MVB12B: variants seen among roughly 807,000 people sequenced by gnomAD.
MVB12B encodes ESCRT-I complex subunit MVB12B.
Under a neutral mutation model 41.6 loss-of-function variants are expected in MVB12B, and 16 were observed. The observed-to-expected ratio is 0.38, with a 90% confidence interval of 0.26 to 0.58. The LOEUF is 0.58. Ranked by LOEUF, MVB12B falls within the 20% of genes least tolerant of loss-of-function variation. The probability of loss-of-function intolerance (pLI) is 0.62; values close to 1 mark genes in which losing one functional copy is unlikely to be tolerated. For synonymous variants in MVB12B, 133 were observed against 139.7 expected (o/e 0.95, Z 0.34); for missense variants, 274 against 380.2 (o/e 0.72, Z 2.32).
At chr9:126,449,707 A>G (rs1317586018) in intron 7 of MVB12B, among the ~76,000 whole-genome samples, 3 of 152,178 alleles carry the variant, frequency 2.0e-5, no homozygotes, top group Non-Finnish European at 4.4e-5. Flanking sequence ...ACCTGCAGCG[A>G]GAGACTGGCT....
At chr9:126,502,074 CCTT>C (rs1217778721) in intron 9 of MVB12B, among the ~76,000 whole-genome samples, 3 of 152,220 alleles carry the variant, frequency 2.0e-5, no homozygotes, top group Non-Finnish European at 2.9e-5. Context: ...GCAGGGGAGC[CCTT>C]CTTATGACAA....
rs751735053 is a variant in MVB12B at position 126,395,620 on chromosome 9, A to G, written c.585A>G (p.Pro195=). Residue 195 remains proline (P), a synonymous_variant, in exon 6 of 10, where the codon CCA becomes CCG. Transcript: ENST00000361171. This position sits in a 1 kb window ranked among gnomAD's most constrained non-coding sequence, Gnocchi z 4.9. ...MGIWYRMGRV[P]RNHDSSQPTT... is the part of the protein sequence containing the mutation. ...TCTGGTATCGAATGGGCAGAGTACC[A>G]AGAAATCATGACTCATCTCAACCCA... is the stretch of plus-strand genomic sequence containing the variant. 3 of 1,614,188 alleles carry G rather than the reference A, an allele frequency of 1.9e-6. No homozygotes were observed. The highest frequency in any genetic ancestry group is 2.5e-6 in the Non-Finnish European group (3 of 1,180,016).
intron 3 of MVB12B, among the ~76,000 whole-genome samples, chr9:126,383,701 A>T (rs1041465748): frequency 3.3e-5 from 5 of 151,862 alleles, no homozygotes; most frequent in Non-Finnish European, 7.4e-5. Flanking sequence ...CAGATGGGGG[A>T]GGGGAGAGGA....
At chr9:126,410,086 T>C (rs1831587125) in intron 6 of MVB12B, among the ~76,000 whole-genome samples, 1 of 152,188 alleles carries the variant, frequency 6.6e-6, no homozygotes, top group African/African-American at 2.4e-5. Flanking sequence ...GTGATTTCCT[T>C]CATCTTCCAG....
In MVB12B at chr9:126,391,752, C is replaced by T. The variant is rs902896969; in HGVS notation, c.410-314C>T. Among the ~76,000 whole-genome samples the T allele has an allele frequency of 4.6e-5, 7 of 152,180 alleles. No individual in the cohort carries two copies. The highest frequency in any genetic ancestry group is 1.3e-4 in the Admixed American group (2 of 15,288). On this transcript the variant is annotated intron_variant, in intron 4 of 9. Transcript: ENST00000361171. The surrounding 1 kb of genome is among the most constrained non-coding windows in gnomAD (Gnocchi z 4.4). ...TGGTGAAATGTGTTAATGCTCAGGG[C>T]GTCAGTGTGCAGGTTTCTGATGGCT...
At chr9:126,348,155 CA>C (rs1214561707) in intron 2 of MVB12B, among the ~76,000 whole-genome samples, 1 of 152,246 alleles carries the variant, frequency 6.6e-6, no homozygotes, top group African/African-American at 2.4e-5. Context: ...TGATAAAAGG[CA>C]CCAGGTGTTC....
At chr9:126,441,164 T>C (rs1832630670) in intron 7 of MVB12B, among the ~76,000 whole-genome samples, 1 of 152,224 alleles carries the variant, frequency 6.6e-6, no homozygotes, top group African/African-American at 2.4e-5. Flanking sequence ...CCCTTTTTCC[T>C]CTGTATTTAC....
chr9:126,433,483 C>T (rs1030114969), intron 7 of MVB12B, among the ~76,000 whole-genome samples: 10 of 152,150 alleles, frequency 6.6e-5, no homozygotes, highest in African/African-American at 2.4e-4. Context: ...TGGTGGGCAG[C>T]CCAAGCCCAT....
chr9:126,396,124 T>G (rs1831106628), intron 6 of MVB12B: 1 of 990,818 alleles, frequency 1.0e-6, no homozygotes, highest in Non-Finnish European at 1.2e-6. Flanking sequence ...TATAATTTCT[T>G]TTTCCAATGA....
intron 3 of MVB12B, among the ~76,000 whole-genome samples, chr9:126,383,707 G>A (rs1251103541): frequency 6.6e-6 from 1 of 152,004 alleles, no homozygotes; most frequent in Admixed American, 6.5e-5. Context: ...GGGGAGGGGA[G>A]AGGAACAGGC....
chr9:126,489,973 G>A (rs1024264380), intron 9 of MVB12B, among the ~76,000 whole-genome samples: 8 of 152,146 alleles, frequency 5.3e-5, no homozygotes, highest in Non-Finnish European at 7.4e-5. Context: ...TGGGTGACCC[G>A]GTGGGGCTGT....
chr9:126,425,603 A>T (rs1175726123), intron 7 of MVB12B, among the ~76,000 whole-genome samples: 5 of 152,228 alleles, frequency 3.3e-5, no homozygotes, highest in Admixed American at 3.3e-4. Context: ...TGTCCCTTTT[A>T]GAAAATATGA....
intron 1 of MVB12B, among the ~76,000 whole-genome samples, chr9:126,332,865 A>G (rs139816719): frequency 6.6e-6 from 1 of 152,246 alleles, no homozygotes; most frequent in Non-Finnish European, 1.5e-5. Flanking sequence ...TGTGGTGGAC[A>G]TAACACACCT....
At chr9:126,418,332 G>T (rs373396888) in intron 6 of MVB12B, among the ~76,000 whole-genome samples, 28 of 152,266 alleles carry the variant, frequency 1.8e-4, no homozygotes, top group African/African-American at 6.5e-4. Flanking sequence ...TGGGCCCCTT[G>T]ATTTCTCTGT....
At chr9:126,388,321 T>G (rs922419306) in intron 4 of MVB12B, among the ~76,000 whole-genome samples, 1 of 152,196 alleles carries the variant, frequency 6.6e-6, no homozygotes, top group Non-Finnish European at 1.5e-5. Flanking sequence ...CTTCTCTCAC[T>G]TAGCATACTG....
chr9:126,504,191 C>T lies in MVB12B; in HGVS notation c.*928C>T, dbSNP rs1834020828. 1 of 152,298 alleles carries T rather than the reference C, an allele frequency of 6.6e-6. No homozygotes were observed. Among genetic ancestry groups the T allele is most frequent in the Non-Finnish European group, 1.5e-5 (1 of 68,088 alleles). The allele number at this position is 152,298 out of a possible 1,614,324, so 9.4% of individuals were successfully genotyped here. On this transcript the variant is annotated 3_prime_UTR_variant, in exon 10 of 10. Transcript: ENST00000361171. ...ACGGTATCTGCTGACGGGAACAAGTCATTCTGAAAGGTCCCTCTGACCCAG... is the reference window on the plus strand; with the variant it reads ...ACGGTATCTGCTGACGGGAACAAGTTATTCTGAAAGGTCCCTCTGACCCAG...
intron 7 of MVB12B, among the ~76,000 whole-genome samples, chr9:126,479,023 G>A (rs991458591): frequency 1.5e-4 from 23 of 152,318 alleles, no homozygotes; most frequent in African/African-American, 5.3e-4. Context: ...CGTGCAGAGA[G>A]GACTCTGCTG....
At chr9:126,494,984 G>A (rs777246078) in intron 9 of MVB12B, among the ~76,000 whole-genome samples, 8 of 151,972 alleles carry the variant, frequency 5.3e-5, no homozygotes, top group African/African-American at 1.7e-4. Context: ...TGGAGCCCAT[G>A]AGTTTGAGAT....
rs914367493 is a variant in MVB12B at position 126,486,430 on chromosome 9, C to A, written c.873+2398C>A. 2.6e-5 allele frequency among the ~76,000 whole-genome samples: 4 copies of A among 152,184 alleles called. No homozygotes were observed. Among genetic ancestry groups the A allele is most frequent in the African/African-American group, 4.8e-5 (2 of 41,440 alleles). Reference sequence around the variant, plus strand: ...CCAGGGCAGAGGTTACACTGACATACCTCCAGACCAGCCCGCTCCACTGTG... The same window carrying A: ...CCAGGGCAGAGGTTACACTGACATAACTCCAGACCAGCCCGCTCCACTGTG... On this transcript the variant is annotated intron_variant, in intron 9 of 9. Transcript: ENST00000361171. This position sits in a 1 kb window ranked among gnomAD's most constrained non-coding sequence, Gnocchi z 4.7.
Sources: gnomAD v4.1 joint callset for allele counts (sites outside exome capture counted in the v4.1 genomes callset) on GRCh38, gnomAD v4.1.1 for gene constraint, Gnocchi (gnomAD v3.1) non-coding constraint, MANE v1.5 for transcripts, NCBI Gene and HGNC (gene_info 2026-07-23, HGNC 2026-07-21) for gene names.